Variants in SRL observed in about 807,000 individuals in gnomAD.
The protein encoded by SRL is sarcalumenin.
A neutral mutation model predicts 39.5 loss-of-function variants in SRL; 23 were observed. That is an observed-to-expected ratio of 0.58 (90% CI 0.42 to 0.82). The LOEUF is 0.82. Among genes scored for constraint, SRL ranks in the 40% least tolerant of loss-of-function variants. The pLI, the probability that SRL is intolerant of heterozygous loss-of-function variation, is 0.00. For synonymous variants in SRL, 272 were observed against 237.4 expected, an observed-to-expected ratio of 1.15 and a Z score of -1.34; for missense variants, 592 against 607.8, an observed-to-expected ratio of 0.97 and a Z score of 0.27.
At chr16:4,221,483 C>T (rs1056942960) in intron 1 of SRL, among the ~76,000 whole-genome samples, 8 of 152,166 alleles carry the variant, frequency 5.3e-5, no homozygotes, top group Non-Finnish European at 1.5e-5. Context: ...GTGTACATTC[C>T]ACACTCGCTG....
chr16:4,241,904 T>G, intron 1 of SRL, 103 bp downstream of exon 1: 1 of 1,247,940 alleles, frequency 8.0e-7, no homozygotes, highest in East Asian at 2.4e-5. Flanking sequence ...GAGCCAGGGT[T>G]TGCCATCAGC....
At chr16:4,236,440 G>A (rs1288192221) in intron 1 of SRL, among the ~76,000 whole-genome samples, 7 of 151,948 alleles carry the variant, frequency 4.6e-5, no homozygotes, top group South Asian at 2.1e-4. Context: ...CAAACTTAGC[G>A]TTGATCAAGG....
chr16:4,232,232 C>T (rs112391422), intron 1 of SRL, among the ~76,000 whole-genome samples: 1,918 of 152,352 alleles, frequency 0.013, 48 homozygotes, highest in African/African-American at 0.044. Context: ...CTCCCCAGGA[C>T]AGGGTGAGTA....
intron 1 of SRL, among the ~76,000 whole-genome samples, chr16:4,208,398 C>T (rs142100061): frequency 1.4e-3 from 209 of 152,290 alleles, no homozygotes; most frequent in African/African-American, 4.6e-3. Context: ...GCCCCCGCAC[C>T]GCGACCCTGG....
Position 4,205,980 on chromosome 16 carries a change from G to A in SRL, c.62-1346C>T, listed in dbSNP as rs1034661777. 2.6e-5 allele frequency among the ~76,000 whole-genome samples: 4 copies of A among 151,786 alleles called. No homozygotes were observed. The South Asian group carries it at 6.2e-4, about 24-fold the overall frequency. On this transcript the variant is annotated intron_variant, in intron 1 of 5. Coordinates refer to ENST00000399609, the MANE Select transcript of SRL (RefSeq NM_001098814.2). ...AAAGTATGTAAATTAATTCTTCAAC[G>A]AAGCCTGTGGGGAAGCCATCTTGGA... is the stretch of plus-strand genomic sequence containing the variant.
At chr16:4,217,322 A>G (rs2052471874) in intron 1 of SRL, among the ~76,000 whole-genome samples, 1 of 152,172 alleles carries the variant, frequency 6.6e-6, no homozygotes, top group Non-Finnish European at 1.5e-5. Flanking sequence ...ACTGGAGTGC[A>G]GCAGTGTGAC....
At chr16:4,214,420 C>T (rs1597282720) in intron 1 of SRL, among the ~76,000 whole-genome samples, 1 of 152,182 alleles carries the variant, frequency 6.6e-6, no homozygotes, top group African/African-American at 2.4e-5. Flanking sequence ...GTAACAGAAT[C>T]CCCAGCGGGG....
Position 4,198,485 on chromosome 16 carries a change from G to A in SRL, c.260-570C>T, listed in dbSNP as rs550228091. On this transcript the variant is annotated intron_variant, in intron 3 of 5. Transcript: ENST00000399609. ...TCTTTTGTTTAGAATCAGGGTCTCCGTTGCCCAGGCTGAAATGCAGTGGTG... is the reference window on the plus strand; with the variant it reads ...TCTTTTGTTTAGAATCAGGGTCTCCATTGCCCAGGCTGAAATGCAGTGGTG... Among the ~76,000 whole-genome samples the A allele has an allele frequency of 3.3e-5, 5 of 152,158 alleles. 1 individual carries two copies. The highest frequency in any genetic ancestry group is 2.1e-4 in the South Asian group (1 of 4,814).
At chr16:4,230,775 AC>A (rs1269889415) in intron 1 of SRL, among the ~76,000 whole-genome samples, 7 of 152,124 alleles carry the variant, frequency 4.6e-5, no homozygotes, top group Non-Finnish European at 1.0e-4. Flanking sequence ...CCTAAACCCA[AC>A]ATCTTCAATG....
At chr16:4,193,519 A>G (rs79804792) in intron 5 of SRL, among the ~76,000 whole-genome samples, 2,119 of 152,346 alleles carry the variant, frequency 0.014, 51 homozygotes, top group African/African-American at 0.048. Flanking sequence ...ATGTGGGCTT[A>G]GCATTGAGAC....
intron 1 of SRL, among the ~76,000 whole-genome samples, chr16:4,235,436 T>C (rs2052704744): frequency 6.6e-6 from 1 of 152,180 alleles, no homozygotes; most frequent in South Asian, 2.1e-4. Flanking sequence ...TGGCTCACAC[T>C]TGTAGCCCCA....
intron 1 of SRL, among the ~76,000 whole-genome samples, chr16:4,220,344 A>G (rs2052510603): frequency 1.3e-5 from 2 of 148,188 alleles, no homozygotes; most frequent in South Asian, 2.1e-4. Context: ...GCTACTCAGG[A>G]GGCTGAGGCA....
intron 1 of SRL, among the ~76,000 whole-genome samples, chr16:4,228,092 G>A (rs2141063524): frequency 6.6e-6 from 1 of 152,338 alleles, no homozygotes; most frequent in South Asian, 2.1e-4. Context: ...GTCTAAGGAG[G>A]GCAGCCTGGG....
At chr16:4,206,414 T>A (rs1305445091) in intron 1 of SRL, among the ~76,000 whole-genome samples, 1 of 152,060 alleles carries the variant, frequency 6.6e-6, no homozygotes, top group East Asian at 1.9e-4. Flanking sequence ...GGGGCACCAA[T>A]CATTCCATTA....
At position 4,197,798 on chromosome 16, in the gene SRL, CCTGTATAGAG is replaced by C; in HGVS notation, c.367_376del (p.Leu123AlafsTer18). ...AACAATCACACAAGAATATTGATTA[CCTGTATAGAG>C]CTGATAGCGAGTATTTTCCAGCCCA... On this transcript the variant is annotated frameshift_variant and splice_region_variant, in exon 4 of 6. Coordinates refer to ENST00000399609, the MANE Select transcript of SRL (RefSeq NM_001098814.2). LOFTEE classifies it high-confidence loss of function. 6.4e-7 allele frequency: 1 copy of C among 1,572,760 alleles called. No individual in the cohort carries two copies. Among genetic ancestry groups the C allele is most frequent in the South Asian group, 1.1e-5 (1 of 90,242 alleles).
chr16:4,207,311 G>A (rs749060083), intron 1 of SRL: 23 of 456,790 alleles, frequency 5.0e-5, no homozygotes, highest in Admixed American at 4.2e-4. Context: ...CTGCCTTAAC[G>A]CTTTGGGCGC....
In SRL at chr16:4,242,056, C is replaced by T; in HGVS notation, c.12G>A (p.Leu4=). The change falls in exon 1 of 6, where the codon CTG becomes CTA. Residue 4 remains leucine (L), a synonymous_variant. Transcript: ENST00000399609. MRA[L]VLLGCLLASL... is the part of the protein sequence containing the mutation. ...AGGCCAGGAGGCAGCCGAGCAGGAC[C>T]AGCGCCCTCATGGTGACTGCCAAGA... 2.5e-6 allele frequency: 4 copies of T among 1,612,112 alleles called. No individual in the cohort carries two copies. The highest frequency in any genetic ancestry group is 3.4e-6 in the Non-Finnish European group (4 of 1,179,562).
At chr16:4,223,402 G>A (rs2052552898) in intron 1 of SRL, among the ~76,000 whole-genome samples, 1 of 151,688 alleles carries the variant, frequency 6.6e-6, no homozygotes, top group Non-Finnish European at 1.5e-5. Flanking sequence ...TTAAGATACA[G>A]AATCTTGCTC....
intron 1 of SRL, chr16:4,207,158 G>A (rs754239755): frequency 3.3e-5 from 15 of 456,668 alleles, no homozygotes; most frequent in Admixed American, 1.9e-4. Context: ...TAGCCCCATC[G>A]CCGCTGTCCT....
Sources: allele counts gnomAD v4.1 joint callset (sites outside exome capture counted in the v4.1 genomes callset), GRCh38; gene constraint gnomAD v4.1.1; transcripts MANE v1.5; gene names NCBI Gene and HGNC (gene_info 2026-07-23, HGNC 2026-07-21).